CASD1: variants seen among roughly 807,000 people sequenced by gnomAD.
CASD1 encodes CAS1 domain sialic acid O acetyltransferase 1, also known as N-acetylneuraminate (7)9-O-acetyltransferase.
CASD1 carries 41 observed loss-of-function variants against 100.0 expected under a neutral mutation model. The observed-to-expected ratio is 0.41, with a 90% CI of 0.32 to 0.53. The LOEUF is 0.53. CASD1 is among the 20% of genes least tolerant of loss of function. CASD1 has a pLI of 0.25. For missense variants in CASD1, 774 were observed against 948.7 expected (o/e 0.82, Z 2.42); for synonymous variants, 321 against 315.6 (o/e 1.02, Z -0.18).
the CASD1 span, chr7:94,587,563 C>G: frequency 8.3e-6 from 11 of 1,325,686 alleles, no homozygotes; most frequent in Non-Finnish European, 1.1e-5. Flanking sequence ...ATTCATTTAT[C>G]TTTTTTCTCT....
At chr7:94,625,090 T>A in the CASD1 span, 1 of 152,168 alleles carries the variant, frequency 6.6e-6, no homozygotes, top group South Asian at 2.1e-4. Flanking sequence ...GAAGAAAATG[T>A]GAGTGTCTAC....
At chr7:94,518,979 A>C (rs1042218360) in intron 3 of CASD1, among the ~76,000 whole-genome samples, 1 of 152,144 alleles carries the variant, frequency 6.6e-6, no homozygotes, top group African/African-American at 2.4e-5. Context: ...TAAAGAACAT[A>C]AACATTTAAA....
At chr7:94,544,371 G>A (rs1795568059) in intron 10 of CASD1, 40 bp from the exon 11 acceptor site, 1 of 1,607,984 alleles carries the variant, frequency 6.2e-7, no homozygotes, top group Non-Finnish European at 8.5e-7. Flanking sequence ...AGGTGTAGTT[G>A]ATGCCAACAT....
intron 10 of CASD1, among the ~76,000 whole-genome samples, chr7:94,543,653 CAAAA>C (rs35005944): frequency 1.4e-4 from 19 of 139,516 alleles, no homozygotes; most frequent in African/African-American, 4.6e-4. Flanking sequence ...AGACTGTCTC[CAAAA>C]AAAAAAAAAG....
At chr7:94,612,283 A>G in the CASD1 span, among the ~76,000 whole-genome samples, 244 of 152,328 alleles carry the variant, frequency 1.6e-3, no homozygotes, top group African/African-American at 5.6e-3. Flanking sequence ...TAAAACCAGT[A>G]TAAAAACATT....
the CASD1 span, chr7:94,587,380 C>G: frequency 2.8e-6 from 3 of 1,077,172 alleles, no homozygotes; most frequent in Non-Finnish European, 1.1e-6. Flanking sequence ...CTAGAAATTG[C>G]CTGCTTCCTA....
In CASD1 at chr7:94,535,514, C is replaced by A; in HGVS notation, c.834C>A (p.Ser278Arg). 1 of 1,612,580 alleles carries A rather than the reference C, an allele frequency of 6.2e-7. No individual in the cohort carries two copies. The highest frequency in any genetic ancestry group is 8.5e-7 in the Non-Finnish European group (1 of 1,178,994). The change falls in exon 8 of 18, where the codon AGC becomes AGA. Residue 278 changes from serine (S) to arginine (R), a missense_variant. Physicochemically the swap from Ser to Arg is moderately radical, Grantham distance 110 (BLOSUM62 -1). Around this residue, in one of 5 missense-constraint regions of CASD1, gnomAD observed 453 missense variants for 532.6 expected, o/e 0.85. Coordinates refer to ENST00000297273, the MANE Select transcript of CASD1 (RefSeq NM_022900.5). ...SLDGLHLPES[S>R]RETTAMILMN... ...ATGGCTTACATCTTCCTGAATCGAGCAGAGAAACTGTGAGAAATTTTTACA... is the reference window on the plus strand; with the variant it reads ...ATGGCTTACATCTTCCTGAATCGAGAAGAGAAACTGTGAGAAATTTTTACA...
At chr7:94,520,361 T>C (rs1466602932) in intron 3 of CASD1, among the ~76,000 whole-genome samples, 1 of 152,232 alleles carries the variant, frequency 6.6e-6, no homozygotes, top group Non-Finnish European at 1.5e-5. Context: ...GATAATTCTT[T>C]GTTTGAATTT....
At chr7:94,628,318 T>G in the CASD1 span, 1 of 1,611,462 alleles carries the variant, frequency 6.2e-7, no homozygotes, top group Admixed American at 1.7e-5. Flanking sequence ...GGGTAACCCA[T>G]TAAATTTGTA....
At chr7:94,607,219 A>G in the CASD1 span, among the ~76,000 whole-genome samples, 2 of 152,202 alleles carry the variant, frequency 1.3e-5, no homozygotes, top group East Asian at 3.8e-4. Flanking sequence ...TCTACTAGAC[A>G]TTTAAGGGAG....
At chr7:94,599,521 G>T in the CASD1 span, 1 of 605,062 alleles carries the variant, frequency 1.7e-6, no homozygotes, top group Non-Finnish European at 2.9e-6. Context: ...ACCCTTTTTA[G>T]TTTTAGTTTC....
chr7:94,588,618 A>G, the CASD1 span: 3 of 1,550,750 alleles, frequency 1.9e-6, no homozygotes, highest in Admixed American at 3.4e-5. Flanking sequence ...CATAAATTAT[A>G]TAGTGCCATA....
intron 12 of CASD1, among the ~76,000 whole-genome samples, chr7:94,546,591 C>T (rs1051294973): frequency 2.0e-5 from 3 of 151,756 alleles, no homozygotes; most frequent in Non-Finnish European, 3.0e-5. Flanking sequence ...GCATATTAAT[C>T]GAATAAACTA....
chr7:94,628,583 G>A, the CASD1 span: 7 of 520,722 alleles, frequency 1.3e-5, no homozygotes, highest in Middle Eastern at 5.4e-4. Context: ...AAAGAAAGCA[G>A]ATTCATACAA....
chr7:94,510,476 A>G (rs1352773254), intron 1 of CASD1, among the ~76,000 whole-genome samples: 1 of 152,164 alleles, frequency 6.6e-6, no homozygotes, highest in Non-Finnish European at 1.5e-5. Context: ...GGGGGCGCCA[A>G]CCCTGGACCT....
intron 3 of CASD1, among the ~76,000 whole-genome samples, chr7:94,520,194 C>T (rs1024173937): frequency 1.3e-5 from 2 of 152,144 alleles, no homozygotes; most frequent in Admixed American, 1.3e-4. Context: ...TTATGTGTTA[C>T]CTTGTCTCTG....
chr7:94,556,697 A>C lies in CASD1; in HGVS notation c.*939A>C, dbSNP rs1439605493. Reference sequence around the variant, plus strand: ...CAGTGTAGTAAACATGCAAGTTGTTACGATTGAGCTGTATTACCATAAGTA... The same window carrying C: ...CAGTGTAGTAAACATGCAAGTTGTTCCGATTGAGCTGTATTACCATAAGTA... On this transcript the variant is annotated 3_prime_UTR_variant, in exon 18 of 18. Coordinates refer to ENST00000297273, the MANE Select transcript of CASD1 (RefSeq NM_022900.5). 1 of 152,068 alleles carries C rather than the reference A, an allele frequency of 6.6e-6. No homozygotes were observed. The highest frequency in any genetic ancestry group is 1.9e-4 in the East Asian group (1 of 5,188). 9.4% of individuals were successfully genotyped at this position (152,068 alleles called of 1,614,324 possible). A position where few individuals can be genotyped will look rare whatever the true frequency, so the allele number is the denominator to read the frequency against.
intron 3 of CASD1, among the ~76,000 whole-genome samples, chr7:94,523,403 T>C (rs764492676): frequency 6.6e-6 from 1 of 152,176 alleles, no homozygotes; most frequent in Non-Finnish European, 1.5e-5. Context: ...TTAACAAATA[T>C]CTACATGCCA....
the CASD1 span, among the ~76,000 whole-genome samples, chr7:94,570,909 C>A: frequency 6.6e-6 from 1 of 152,014 alleles, no homozygotes; most frequent in Admixed American, 6.5e-5. Flanking sequence ...ATCTTTATTT[C>A]TTTATATGGC....
Sources: allele counts gnomAD v4.1 joint callset (sites outside exome capture counted in the v4.1 genomes callset), GRCh38; gene constraint gnomAD v4.1.1; regional missense constraint gnomAD v4.1.1; transcripts MANE v1.5; gene names NCBI Gene and HGNC (gene_info 2026-07-23, HGNC 2026-07-21).